The following KDSR variants were observed in gnomAD, a reference collection of about 807,000 sequenced individuals.
KDSR encodes the protein 3-ketodihydrosphingosine reductase.
A neutral mutation model predicts 41.3 loss-of-function variants in KDSR; 23 were observed. The observed-to-expected ratio is 0.56, with a 90% CI of 0.40 to 0.79. The LOEUF is 0.79. Ranked by LOEUF, KDSR falls within the 30% of genes least tolerant of loss-of-function variation. The pLI is 0.00. For synonymous variants in KDSR, 138 were observed against 151.7 expected (o/e 0.91, Z 0.66); for missense variants, 351 against 416.8 (o/e 0.84, Z 1.37).
At chr18:63,335,770 G>A in intron 8 of KDSR, 1 of 153,096 alleles carries the variant, frequency 6.5e-6, no homozygotes, top group East Asian at 1.9e-4. Context: ...GAAAATACAA[G>A]TTCTAAAATT....
chr18:63,333,680 T>A (rs1914078782), intron 9 of KDSR, among the ~76,000 whole-genome samples: 1 of 152,158 alleles, frequency 6.6e-6, no homozygotes, highest in Non-Finnish European at 1.5e-5. Flanking sequence ...ACCTTTTATA[T>A]AAAACCTAAT....
chr18:63,340,970 TA>T (rs1290833880), intron 7 of KDSR, among the ~76,000 whole-genome samples: 1 of 152,134 alleles, frequency 6.6e-6, no homozygotes, highest in Non-Finnish European at 1.5e-5. Flanking sequence ...GATTCCTCAG[TA>T]GGGAAACTGA....
rs536950461 is a variant in KDSR at position 63,328,561 on chromosome 18, C to T, written c.*3221G>A. On this transcript the variant is annotated 3_prime_UTR_variant, in exon 10 of 10. Coordinates refer to ENST00000645214, the MANE Select transcript of KDSR (RefSeq NM_002035.4). ...ATTTTCAGTAGAGACGGGGTTTCAC[C>T]ATGTTGGCCAGGCTGGTCTCGAACT... The T allele has an allele frequency of 1.3e-5, 2 of 156,724 alleles. No homozygotes were observed. The highest frequency in any genetic ancestry group is 4.1e-4 in the South Asian group (2 of 4,884). 9.7% of individuals were successfully genotyped at this position (156,724 alleles called of 1,614,324 possible).
At chr18:63,350,272 A>G (rs536666288) in intron 6 of KDSR, among the ~76,000 whole-genome samples, 2 of 152,326 alleles carry the variant, frequency 1.3e-5, no homozygotes, top group Admixed American at 1.3e-4. Context: ...CGCTATTTTG[A>G]TGCAAATCCT....
intron 9 of KDSR, among the ~76,000 whole-genome samples, 161 bp from the exon 10 acceptor site, chr18:63,332,062 T>G (rs1914019226): frequency 6.6e-6 from 1 of 152,240 alleles, no homozygotes; most frequent in South Asian, 2.1e-4. Flanking sequence ...GAGAACAGAA[T>G]GTGTGTGCTC....
chr18:63,339,395 C>T (rs1437233137), intron 7 of KDSR, among the ~76,000 whole-genome samples: 1 of 152,242 alleles, frequency 6.6e-6, no homozygotes, highest in Non-Finnish European at 1.5e-5. Context: ...CATTCAACAA[C>T]TGCAGATGCT....
chr18:63,360,643 G>A (rs952803619), intron 2 of KDSR, among the ~76,000 whole-genome samples: 2 of 152,186 alleles, frequency 1.3e-5, no homozygotes, highest in African/African-American at 4.8e-5. Context: ...AGCACTTTGG[G>A]AGGCCAAGGT....
chr18:63,338,753 A>G (rs1364920284), intron 8 of KDSR, 47 bp downstream of exon 8: 1 of 1,169,680 alleles, frequency 8.5e-7, no homozygotes, highest in East Asian at 2.4e-5. Context: ...TTTCAGAAAT[A>G]TAGTACTACA....
Position 63,330,162 on chromosome 18 carries a change from A to G in KDSR, c.*1620T>C, listed in dbSNP as rs1197170075. The G allele has an allele frequency of 1.0e-5, 2 of 195,428 alleles. No homozygotes were observed. The highest frequency in any genetic ancestry group is 4.6e-5 in the African/African-American group (2 of 43,252). The allele number at this position is 195,428 out of a possible 1,614,324, so 12.1% of individuals were successfully genotyped here. A position where few individuals can be genotyped will look rare whatever the true frequency, so the allele number is the denominator to read the frequency against. ...GTCATTTAAAGTCAAGAGCTTCAAAAACTCAAGAGCAAAAAAAAGGTATGC... is the reference window on the plus strand; with the variant it reads ...GTCATTTAAAGTCAAGAGCTTCAAAGACTCAAGAGCAAAAAAAAGGTATGC... On this transcript the variant is annotated 3_prime_UTR_variant, in exon 10 of 10. Coordinates refer to ENST00000645214, the MANE Select transcript of KDSR (RefSeq NM_002035.4).
chr18:63,338,808 C>A lies in KDSR; in HGVS notation c.769G>T (p.Asp257Tyr). Residue 257 changes from aspartate (D) to tyrosine (Y), a missense_variant, in exon 8 of 10, where the codon GAT (aspartate) becomes TAT (tyrosine). Asp to Tyr is a radical substitution (Grantham distance 160, BLOSUM62 -3). Transcript: ENST00000645214. ...ACAAGGATTTTACTTACTATGGCAT[C>A]TTTAACAATTTGTTTGGCCACCTGT... is the stretch of plus-strand genomic sequence containing the variant. Reference protein sequence around the residue: ...PEQVAKQIVKDAIQGNFNSSL... With the variant: ...PEQVAKQIVKYAIQGNFNSSL... 1 of 1,602,210 alleles carries A rather than the reference C, an allele frequency of 6.2e-7. No individual in the cohort carries two copies. The highest frequency in any genetic ancestry group is 8.5e-7 in the Non-Finnish European group (1 of 1,172,012).
chr18:63,331,330 G>A lies in KDSR; in HGVS notation c.*452C>T, dbSNP rs1913990946. 3 of 114,054 alleles carry A rather than the reference G, an allele frequency of 2.6e-5. No individual in the cohort carries two copies. Among genetic ancestry groups the A allele is most frequent in the Admixed American group, 2.5e-4 (2 of 8,052 alleles). The allele number at this position is 114,054 out of a possible 1,614,324, so 7.1% of individuals were successfully genotyped here. A position where few individuals can be genotyped will look rare whatever the true frequency, so the allele number is the denominator to read the frequency against. On this transcript the variant is annotated 3_prime_UTR_variant, in exon 10 of 10. Coordinates refer to ENST00000645214, the MANE Select transcript of KDSR (RefSeq NM_002035.4). ...AGAGACAGAGAGACAGAGAGACAGAGAGAGAGAGAGAGAGAACCCGAGAAA... is the reference window on the plus strand; with the variant it reads ...AGAGACAGAGAGACAGAGAGACAGAAAGAGAGAGAGAGAGAACCCGAGAAA...
chr18:63,338,049 C>T (rs1009903653), intron 8 of KDSR, among the ~76,000 whole-genome samples: 1 of 152,212 alleles, frequency 6.6e-6, no homozygotes, highest in African/African-American at 2.4e-5. Flanking sequence ...CCTTTTAATG[C>T]ACTCAGGACA....
intron 2 of KDSR, 51 bp from the exon 3 acceptor site, chr18:63,359,843 C>A (rs761423124): frequency 8.2e-7 from 1 of 1,224,750 alleles, no homozygotes; most frequent in African/African-American, 1.5e-5. Flanking sequence ...TATGCATGTC[C>A]GTTTATTGCA....
In KDSR at chr18:63,333,526, G is replaced by A. The variant is rs565825194; in HGVS notation, c.880-1625C>T. On this transcript the variant is annotated intron_variant, in intron 9 of 9. Transcript: ENST00000645214. ...AAACGCATCCAGGGGGCCTGAGCAG[G>A]GGGTTGCAGACCATAGTGGTTGCAG... Among the ~76,000 whole-genome samples, 14 of 152,280 alleles carry A rather than the reference G, an allele frequency of 9.2e-5. No individual in the cohort carries two copies. In the South Asian group the frequency reaches 2.9e-3, roughly 32 times the overall value.
Position 63,359,804 on chromosome 18 carries a change from A to G in KDSR, c.199-12T>C. 2 of 1,593,910 alleles carry G rather than the reference A, an allele frequency of 1.3e-6. No homozygotes were observed. Among genetic ancestry groups the G allele is most frequent in the East Asian group, 2.2e-5 (1 of 44,730 alleles). On this transcript the variant is annotated splice_polypyrimidine_tract_variant and intron_variant, in intron 2 of 9. Coordinates refer to ENST00000645214, the MANE Select transcript of KDSR (RefSeq NM_002035.4). ...TGCAGCAGCTTATCCTGAAAGCAAT[A>G]CAGAATAATTAGTCGTGATGACCGT...
chr18:63,334,076 G>A (rs1401046209), intron 9 of KDSR, among the ~76,000 whole-genome samples: 1 of 152,204 alleles, frequency 6.6e-6, no homozygotes, highest in Non-Finnish European at 1.5e-5. Flanking sequence ...GGGGTACAAC[G>A]GCAAACAAGA....
At chr18:63,365,589 G>A (rs980573725) in intron 1 of KDSR, among the ~76,000 whole-genome samples, 3 of 152,202 alleles carry the variant, frequency 2.0e-5, no homozygotes, top group East Asian at 1.9e-4. Context: ...GACCTGCCGC[G>A]GGATGGGGCT....
At chr18:63,364,188 C>T (rs909940057) in intron 1 of KDSR, among the ~76,000 whole-genome samples, 13 of 152,174 alleles carry the variant, frequency 8.5e-5, no homozygotes, top group African/African-American at 3.1e-4. Flanking sequence ...TCAGGAAAGC[C>T]TTCACTGTCT....
At chr18:63,340,571 A>G (rs1914316960) in intron 7 of KDSR, among the ~76,000 whole-genome samples, 1 of 152,246 alleles carries the variant, frequency 6.6e-6, no homozygotes, top group Non-Finnish European at 1.5e-5. Context: ...TTGCTCAAAA[A>G]AGCAACTACT....
Sources: allele counts gnomAD v4.1 joint callset (sites outside exome capture counted in the v4.1 genomes callset), GRCh38; gene constraint gnomAD v4.1.1; transcripts MANE v1.5; gene names NCBI Gene and HGNC (gene_info 2026-07-23, HGNC 2026-07-21).